Variants in CUX1 observed in about 807,000 individuals in gnomAD.
CUX1 encodes protein CASP.
A neutral mutation model predicts 158.8 loss-of-function variants in CUX1; 31 were observed. That is an observed-to-expected ratio of 0.20 (90% CI 0.15 to 0.26). The LOEUF (loss-of-function observed/expected upper bound fraction) is 0.26. Ranked by LOEUF, CUX1 falls within the 10% of genes least tolerant of loss-of-function variation. CUX1 has a pLI of 1.00. For synonymous variants in CUX1, 879 were observed against 862.1 expected (o/e 1.02, Z -0.34); for missense variants, 1,589 against 2,014.6 (o/e 0.79, Z 4.04).
chr7:102,054,639 A>G (rs543372778), intron 3 of CUX1, among the ~76,000 whole-genome samples: 1 of 152,164 alleles, frequency 6.6e-6, no homozygotes, highest in South Asian at 2.1e-4. Context: ...GCATTTTCAT[A>G]TGAATCTTAG....
intron 1 of CUX1, among the ~76,000 whole-genome samples, chr7:101,914,858 A>G (rs1803994682): frequency 6.6e-6 from 1 of 152,118 alleles, no homozygotes; most frequent in Non-Finnish European, 1.5e-5. Context: ...CCCACCCCGT[A>G]GTAGTACCAA....
chr7:102,034,166 A>AAAAAAAAAAT, intron 3 of CUX1, among the ~76,000 whole-genome samples: 1 of 151,074 alleles, frequency 6.6e-6, no homozygotes, highest in Admixed American at 6.6e-5. Flanking sequence ...AAAAAAAAAA[A>AAAAAAAAAAT]AGTCAGTCTT....
intron 12 of CUX1, among the ~76,000 whole-genome samples, chr7:102,190,326 G>A (rs1172687852): frequency 2.6e-5 from 4 of 152,146 alleles, no homozygotes; most frequent in Admixed American, 6.6e-5. Flanking sequence ...GGCTGTAGCC[G>A]AAAGCTTATC....
intron 3 of CUX1, among the ~76,000 whole-genome samples, chr7:102,060,577 A>G (rs868605142): frequency 7.6e-6 from 1 of 131,492 alleles, no homozygotes; most frequent in South Asian, 2.5e-4. Context: ...ACACACATAT[A>G]TACATATATA....
chr7:101,927,229 G>C (rs1482346745), intron 2 of CUX1, among the ~76,000 whole-genome samples: 1 of 152,048 alleles, frequency 6.6e-6, no homozygotes, highest in African/African-American at 2.4e-5. Context: ...TTGGCAAGCT[G>C]TTAGCAGTGG....
At chr7:102,161,720 C>G (rs1790448631) in intron 9 of CUX1, among the ~76,000 whole-genome samples, 1 of 152,148 alleles carries the variant, frequency 6.6e-6, no homozygotes, top group Non-Finnish European at 1.5e-5. Context: ...AGGCAATTCT[C>G]CTGCCTCAGC....
At chr7:102,275,667 C>T (rs1235845205) in intron 17 of CUX1, among the ~76,000 whole-genome samples, 5 of 152,128 alleles carry the variant, frequency 3.3e-5, no homozygotes, top group Admixed American at 2.0e-4. Flanking sequence ...CTTCAATCTG[C>T]AGGGAGGGGC....
chr7:102,283,277 G>A (rs894426512), exon 23 of CUX1: 30 of 605,618 alleles, frequency 5.0e-5, no homozygotes, highest in African/African-American at 4.4e-4. Flanking sequence ...CATCAGGCCC[G>A]CTAGGTCCAG....
chr7:102,005,407 C>G lies in CUX1; in HGVS notation c.142-22691C>G, dbSNP rs149819836. Among the ~76,000 whole-genome samples, 79 of 152,330 alleles carry G rather than the reference C, an allele frequency of 5.2e-4. No homozygotes were observed. In the East Asian group the frequency reaches 0.014, roughly 28 times the overall value. ...GGAGTGCAGTAGCACGATCATAGCT[C>G]CACTGCAGCCTCGAGCTCCTGGGCT... On this transcript the variant is annotated intron_variant, in intron 2 of 23. Coordinates refer to ENST00000292535, the MANE Select transcript of CUX1 (RefSeq NM_181552.4).
intron 3 of CUX1, among the ~76,000 whole-genome samples, chr7:102,029,587 A>G (rs1252486691): frequency 6.6e-6 from 1 of 152,198 alleles, no homozygotes. Context: ...ATTTCAGGAC[A>G]TCAAAAGGGA....
At chr7:102,110,716 A>G (rs1830798773) in intron 6 of CUX1, among the ~76,000 whole-genome samples, 1 of 152,226 alleles carries the variant, frequency 6.6e-6, no homozygotes, top group Non-Finnish European at 1.5e-5. Flanking sequence ...AGGCTGTTAC[A>G]TATCATATGT....
rs575992276 is a variant in CUX1 at position 101,834,165 on chromosome 7, C to CTT, written c.30+16521_30+16522dup. Among the ~76,000 whole-genome samples the CTT allele has an allele frequency of 1.3e-3, 92 of 71,082 alleles. 11 individuals are homozygous for CTT. The highest frequency in any genetic ancestry group is 7.0e-3 in the South Asian group (13 of 1,850). 46.6% of individuals were successfully genotyped at this position (71,082 alleles called of 152,430 possible). On this transcript the variant is annotated intron_variant, in intron 1 of 23. Coordinates refer to ENST00000292535, the MANE Select transcript of CUX1 (RefSeq NM_181552.4). ...TATTTATTTGAAAAGCTGATTGTTT[C>CTT]TTTTTTTTTTTTTTTTTTTTTTTTT...
At chr7:102,133,133 G>A (rs1471577818) in intron 8 of CUX1, among the ~76,000 whole-genome samples, 2 of 151,994 alleles carry the variant, frequency 1.3e-5, no homozygotes, top group Non-Finnish European at 1.5e-5. Flanking sequence ...AAATCTCTCC[G>A]TGGCACCCTC....
In CUX1 at chr7:102,101,761, A is replaced by G. The variant is rs532976585; in HGVS notation, c.407-2575A>G. Among the ~76,000 whole-genome samples, 136 of 152,062 alleles carry G rather than the reference A, an allele frequency of 8.9e-4. 1 individual carries two copies. The highest frequency in any genetic ancestry group is 1.7e-3 in the Non-Finnish European group (115 of 67,970). ...CCCGTCTCTACTTAAAAAATACAAG[A>G]ATTAGCCAGGTGTGATGGCACACGC... On this transcript the variant is annotated intron_variant, in intron 5 of 23. Transcript: ENST00000292535.
rs932386648 is a variant in CUX1, at chr7:102,257,839, T to A, written c.*8797T>A. 1.0e-6 allele frequency: 1 copy of A among 980,594 alleles called. No individual in the cohort carries two copies. Among genetic ancestry groups the A allele is most frequent in the African/African-American group, 1.8e-5 (1 of 55,476 alleles). 60.7% of individuals were successfully genotyped at this position (980,594 alleles called of 1,614,324 possible). On this transcript the variant is annotated 3_prime_UTR_variant, in exon 24 of 24. Coordinates refer to ENST00000292535, the MANE Select transcript of CUX1 (RefSeq NM_181552.4). ...ATCCTCACAATCACAGATTTTTTTCTCCAATCCTCACAGAGACCCAATTGA... is the reference window on the plus strand; with the variant it reads ...ATCCTCACAATCACAGATTTTTTTCACCAATCCTCACAGAGACCCAATTGA...
intron 1 of CUX1, among the ~76,000 whole-genome samples, chr7:101,886,813 G>A (rs1235793399): frequency 6.6e-6 from 1 of 152,184 alleles, no homozygotes. Context: ...TCTCCCATGG[G>A]CAGGTTGGCC....
intron 10 of CUX1, among the ~76,000 whole-genome samples, chr7:102,176,130 CA>C (rs2076761460): frequency 6.6e-6 from 1 of 152,222 alleles, no homozygotes; most frequent in Non-Finnish European, 1.5e-5. Context: ...TCATACAAAT[CA>C]AAGAAGCAGG....
At chr7:102,154,206 T>C (rs436090) in intron 8 of CUX1, 11 of 151,944 alleles carry the variant, frequency 7.2e-5, no homozygotes, top group African/African-American at 2.2e-4. Flanking sequence ...GATGAAGATA[T>C]TTCCCAGAAA....
chr7:102,050,925 C>T (rs1823418239), intron 3 of CUX1, among the ~76,000 whole-genome samples: 1 of 152,160 alleles, frequency 6.6e-6, no homozygotes. Context: ...TCCTTCCCAG[C>T]AGTTGGCTTT....
Sources: allele counts gnomAD v4.1 joint callset (sites outside exome capture counted in the v4.1 genomes callset), GRCh38; gene constraint gnomAD v4.1.1; transcripts MANE v1.5; gene names NCBI Gene and HGNC (gene_info 2026-07-23, HGNC 2026-07-21).